Variants in EDNRA observed in about 807,000 individuals in gnomAD.
The protein encoded by EDNRA is endothelin receptor type A, also known as endothelin-1 receptor.
EDNRA carries 11 observed loss-of-function variants against 41.4 expected under a neutral mutation model. The observed-to-expected ratio is 0.27, with a 90% CI of 0.17 to 0.44. The LOEUF is 0.44. EDNRA is among the 20% of genes least tolerant of loss of function. EDNRA has a pLI of 1.00. For missense variants in EDNRA, 294 were observed against 531.0 expected (o/e 0.55, Z 4.39); for synonymous variants, 172 against 183.0 (o/e 0.94, Z 0.49).
chr4:147,542,395 C>G (rs958925773), intron 7 of EDNRA, 83 bp from the exon 8 acceptor site: 47 of 1,575,646 alleles, frequency 3.0e-5, no homozygotes, highest in Non-Finnish European at 4.0e-5. Flanking sequence ...ATTTGCCCCT[C>G]ATTAGCATGG....
intron 3 of EDNRA, among the ~76,000 whole-genome samples, chr4:147,528,936 C>G (rs1409924964): frequency 6.6e-6 from 1 of 152,080 alleles, no homozygotes; most frequent in East Asian, 1.9e-4. Context: ...GACGTAACAG[C>G]CTCACTCCAG....
chr4:147,502,811 T>C (rs1729560409), intron 2 of EDNRA, among the ~76,000 whole-genome samples: 1 of 151,958 alleles, frequency 6.6e-6, no homozygotes, highest in Non-Finnish European at 1.5e-5. Context: ...TTGGAAATAA[T>C]CTAGGATGAT....
rs1048065809 is a variant in EDNRA at position 147,526,784 on chromosome 4, A to G, written c.549-5722A>G. Among the ~76,000 whole-genome samples the G allele has an allele frequency of 5.3e-5, 8 of 152,124 alleles. 1 individual carries two copies. The highest frequency in any genetic ancestry group is 5.2e-4 in the Admixed American group (8 of 15,248). On this transcript the variant is annotated intron_variant, in intron 3 of 7. Coordinates refer to ENST00000651419, the MANE Select transcript of EDNRA (RefSeq NM_001957.4). ...ACATAGCGAGATCCTTGTCTCTACA[A>G]AAAATATTTTTAAAAATTAGCCTGT... is the stretch of plus-strand genomic sequence containing the variant.
chr4:147,506,367 G>C (rs562576035), intron 2 of EDNRA: 119 of 419,750 alleles, frequency 2.8e-4, no homozygotes, highest in African/African-American at 2.3e-3. Flanking sequence ...ACAAAGAACT[G>C]AATGCCAACA....
Position 147,485,764 on chromosome 4 carries a change from C to G in EDNRA, c.83C>G (p.Thr28Arg), listed in dbSNP as rs201076169. 9.3e-6 allele frequency: 15 copies of G among 1,614,204 alleles called. No individual in the cohort carries two copies. In the Admixed American group the frequency reaches 1.0e-4, roughly 11 times the overall value. ...VISDNPERYS[T>R]NLSNHVDDFT... Reference sequence around the variant, plus strand: ...AGTGATAATCCTGAGAGATACAGCACAAATCTAAGCAATCATGTGGATGAT... The same window carrying G: ...AGTGATAATCCTGAGAGATACAGCAGAAATCTAAGCAATCATGTGGATGAT... The change falls in exon 2 of 8, where the codon ACA becomes AGA. Residue 28 changes from threonine (T) to arginine (R), a missense_variant. By Grantham distance (71) the Thr-to-Arg change is moderately conservative. This residue lies in a region of EDNRA where 90 missense variants were observed against 122.8 expected (regional missense o/e 0.73). Coordinates refer to ENST00000651419, the MANE Select transcript of EDNRA (RefSeq NM_001957.4).
intron 2 of EDNRA, chr4:147,489,795 G>A (rs761568697): frequency 6.6e-6 from 1 of 152,016 alleles, no homozygotes; most frequent in Non-Finnish European, 1.5e-5. Flanking sequence ...GCTTCCATCT[G>A]TCAAGTGCCA....
chr4:147,540,382 T>C lies in EDNRA; in HGVS notation c.1040T>C (p.Leu347Ser). The change falls in exon 7 of 8, where the codon TTA becomes TCA. Residue 347 changes from leucine (L) to serine (S), a missense_variant. By Grantham distance (145) the Leu-to-Ser change is moderately radical. Around this residue, in one of 3 missense-constraint regions of EDNRA, gnomAD observed 185 missense variants for 390.8 expected, o/e 0.47. Coordinates refer to ENST00000651419, the MANE Select transcript of EDNRA (RefSeq NM_001957.4). ...ACCATTTTCTTTTGCTCTAGTTTCT[T>C]ACTGCTCATGGATTACATCGGTATT... ...DKNRCELLSF[L>S]LLMDYIGINL... 2 of 1,608,818 alleles carry C rather than the reference T, an allele frequency of 1.2e-6. No homozygotes were observed. The highest frequency in any genetic ancestry group is 1.7e-6 in the Non-Finnish European group (2 of 1,176,678).
rs1274502876 is a variant in EDNRA at position 147,543,791 on chromosome 4, T to A, written c.*1173T>A. The A allele has an allele frequency of 6.6e-6, 1 of 151,692 alleles. No individual in the cohort carries two copies. The highest frequency in any genetic ancestry group is 1.9e-4 in the East Asian group (1 of 5,144). 9.4% of individuals were successfully genotyped at this position (151,692 alleles called of 1,614,324 possible). A position where few individuals can be genotyped will look rare whatever the true frequency, so the allele number is the denominator to read the frequency against. On this transcript the variant is annotated 3_prime_UTR_variant, in exon 8 of 8. Coordinates refer to ENST00000651419, the MANE Select transcript of EDNRA (RefSeq NM_001957.4). ...TGGCCAGATGAGTTTATCATGTCAG[T>A]GAAAAATAATTACCCACAAATGCCA...
intron 3 of EDNRA, among the ~76,000 whole-genome samples, chr4:147,529,328 G>A (rs1730667414): frequency 6.6e-6 from 1 of 152,140 alleles, no homozygotes. Context: ...AGTTAAAGGT[G>A]AGGCACCAGG....
At chr4:147,539,794 A>G in intron 5 of EDNRA, 23 bp from the exon 6 acceptor site, 1 of 1,600,786 alleles carries the variant, frequency 6.2e-7, no homozygotes, top group Non-Finnish European at 8.5e-7. Context: ...TTGTTGTCCT[A>G]TTTTTTTCTC....
intron 2 of EDNRA, among the ~76,000 whole-genome samples, chr4:147,518,339 A>T (rs1578800001): frequency 1.3e-5 from 2 of 152,224 alleles, no homozygotes; most frequent in African/African-American, 4.8e-5. Flanking sequence ...TGTTTGTGCA[A>T]AGAGTTTTGT....
intron 2 of EDNRA, chr4:147,491,864 C>T (rs1729149731): frequency 6.6e-6 from 1 of 152,204 alleles, no homozygotes; most frequent in Admixed American, 6.5e-5. Flanking sequence ...CTCTATTCCT[C>T]ACTGGTGCAT....
At chr4:147,539,678 A>T in intron 5 of EDNRA, 139 bp from the exon 6 acceptor site, 1 of 913,474 alleles carries the variant, frequency 1.1e-6, no homozygotes, top group Non-Finnish European at 1.6e-6. Context: ...AGGTAGAGGC[A>T]GTGTAAGCCA....
intron 1 of EDNRA, among the ~76,000 whole-genome samples, chr4:147,484,029 A>T (rs1175925379): frequency 6.6e-6 from 1 of 152,076 alleles, no homozygotes; most frequent in South Asian, 2.1e-4. Context: ...CCAGGACTCA[A>T]TTTTTTTAAG....
chr4:147,503,798 T>C (rs903649599), intron 2 of EDNRA, among the ~76,000 whole-genome samples: 2 of 152,146 alleles, frequency 1.3e-5, no homozygotes, highest in Non-Finnish European at 2.9e-5. Context: ...GAAAAATCAT[T>C]GAGGACACCA....
intron 1 of EDNRA, among the ~76,000 whole-genome samples, chr4:147,483,211 A>T (rs1728832648): frequency 6.6e-6 from 1 of 152,244 alleles, no homozygotes; most frequent in Non-Finnish European, 1.5e-5. Context: ...AACTGTTTAT[A>T]ATTAAGTCTA....
intron 2 of EDNRA, chr4:147,506,212 C>T: frequency 1.9e-6 from 1 of 522,312 alleles, no homozygotes; most frequent in South Asian, 1.4e-5. Context: ...GAAGATCTTG[C>T]AAATATTCAT....
At chr4:147,516,748 G>T (rs1384921884) in intron 2 of EDNRA, among the ~76,000 whole-genome samples, 1 of 151,760 alleles carries the variant, frequency 6.6e-6, no homozygotes, top group Non-Finnish European at 1.5e-5. Flanking sequence ...TTTTTTCATT[G>T]AATTGACAGT....
chr4:147,510,718 T>C (rs1306066907), intron 2 of EDNRA, among the ~76,000 whole-genome samples: 1 of 152,162 alleles, frequency 6.6e-6, no homozygotes, highest in Non-Finnish European at 1.5e-5. Context: ...AAATAAATAG[T>C]CTCAAGGCTT....
Sources: gnomAD v4.1 joint callset for allele counts (sites outside exome capture counted in the v4.1 genomes callset) on GRCh38, gnomAD v4.1.1 for gene constraint, gnomAD v4.1.1 regional missense constraint, MANE v1.5 for transcripts, NCBI Gene and HGNC (gene_info 2026-07-23, HGNC 2026-07-21) for gene names.